Variants in FOXN3 observed in about 807,000 individuals in gnomAD.
FOXN3 encodes forkhead box N3, also known as forkhead box protein N3.
FOXN3 carries 7 observed loss-of-function variants against 38.4 expected under a neutral mutation model. The observed-to-expected ratio is 0.18, with a 90% confidence interval of 0.10 to 0.34. FOXN3 has a LOEUF of 0.34. FOXN3 is among the 10% of genes least tolerant of loss of function. FOXN3 has a pLI of 1.00. For missense variants in FOXN3, 456 were observed against 613.4 expected (o/e 0.74, Z 2.71); for synonymous variants, 230 against 242.2 (o/e 0.95, Z 0.47).
intron 5 of FOXN3, among the ~76,000 whole-genome samples, chr14:89,176,002 G>A (rs1022289211): frequency 1.3e-5 from 2 of 152,092 alleles, no homozygotes; most frequent in Non-Finnish European, 1.5e-5. Flanking sequence ...ATCTCTGCAA[G>A]GGATTTTCCT....
intron 2 of FOXN3, among the ~76,000 whole-genome samples, chr14:89,371,420 C>T (rs904488804): frequency 3.9e-5 from 6 of 152,034 alleles, no homozygotes; most frequent in African/African-American, 1.5e-4. Context: ...AACCAACCAA[C>T]AATCCAAGAA....
intron 4 of FOXN3, among the ~76,000 whole-genome samples, chr14:89,229,840 C>T (rs769068058): frequency 1.2e-4 from 19 of 152,292 alleles, no homozygotes; most frequent in Non-Finnish European, 1.9e-4. Context: ...CCGACCAAAC[C>T]GAAGGATGTC....
chr14:89,611,115 C>A (rs937808258), intron 1 of FOXN3, among the ~76,000 whole-genome samples: 2 of 152,208 alleles, frequency 1.3e-5, no homozygotes, highest in African/African-American at 4.8e-5. Flanking sequence ...TACACTCTTG[C>A]AAGAGCAGAG....
At chr14:89,230,780 T>C (rs1884783106) in intron 4 of FOXN3, 3 of 427,340 alleles carry the variant, frequency 7.0e-6, no homozygotes, top group Non-Finnish European at 1.4e-5. Context: ...CATTCTTGGA[T>C]AGTAGAGGTC....
At chr14:89,590,008 G>C (rs754733906) in intron 1 of FOXN3, among the ~76,000 whole-genome samples, 1 of 152,130 alleles carries the variant, frequency 6.6e-6, no homozygotes, top group South Asian at 2.1e-4. Context: ...GACTGATGCC[G>C]GGCAGGCCCC....
chr14:89,557,156 A>G (rs1301684119), intron 1 of FOXN3, among the ~76,000 whole-genome samples: 1 of 152,232 alleles, frequency 6.6e-6, no homozygotes, highest in African/African-American at 2.4e-5. Context: ...TGGCCAGAAC[A>G]TATGATGAGC....
At chr14:89,585,021 C>T (rs943837599) in intron 1 of FOXN3, among the ~76,000 whole-genome samples, 3 of 152,184 alleles carry the variant, frequency 2.0e-5, no homozygotes, top group African/African-American at 7.2e-5. Flanking sequence ...CGGCAAGTGT[C>T]TCTTTTCAAA....
rs116827240 is a variant in FOXN3 at position 89,349,321 on chromosome 14, T to C, written c.680+1351A>G. Among the ~76,000 whole-genome samples, 1,143 of 152,332 alleles carry C rather than the reference T, an allele frequency of 7.5e-3. 14 individuals are homozygous for C. Among genetic ancestry groups the C allele is most frequent in the African/African-American group, 0.026 (1,093 of 41,576 alleles). ...TCCCACTTTCTCTCCTACAGCTATATGACCTCAAGTTGTCATTTCGAATAA... is the reference window on the plus strand; with the variant it reads ...TCCCACTTTCTCTCCTACAGCTATACGACCTCAAGTTGTCATTTCGAATAA... On this transcript the variant is annotated intron_variant, in intron 3 of 5. Transcript: ENST00000557258.
At chr14:89,399,869 A>C (rs993142521) in intron 2 of FOXN3, 1 of 152,212 alleles carries the variant, frequency 6.6e-6, no homozygotes, top group African/African-American at 2.4e-5. Flanking sequence ...CTCCGTTGCT[A>C]AGGCAACTGC....
chr14:89,512,578 AATG>A (rs1894114568), intron 1 of FOXN3, among the ~76,000 whole-genome samples: 1 of 152,246 alleles, frequency 6.6e-6, no homozygotes, highest in Non-Finnish European at 1.5e-5. Flanking sequence ...CCCTAACTCC[AATG>A]ATAAGAATGT....
chr14:89,291,352 G>A (rs888233211), intron 3 of FOXN3: 1 of 574,266 alleles, frequency 1.7e-6, no homozygotes, highest in African/African-American at 1.9e-5. Context: ...CAGAAGGAAA[G>A]CCCTGTAACA....
intron 3 of FOXN3, among the ~76,000 whole-genome samples, chr14:89,325,876 C>T (rs1405792582): frequency 1.3e-5 from 2 of 152,174 alleles, no homozygotes; most frequent in African/African-American, 4.8e-5. Flanking sequence ...CAAGCCTAGC[C>T]CCTGTCCTGT....
chr14:89,417,856 C>T (rs999525863), upstream of FOXN3: 5 of 429,870 alleles, frequency 1.2e-5, no homozygotes, highest in African/African-American at 2.0e-5. Flanking sequence ...GGCCGGTGGC[C>T]ATTACAAGAC....
intron 1 of FOXN3, among the ~76,000 whole-genome samples, chr14:89,614,457 C>T (rs141454232): frequency 6.6e-6 from 1 of 152,218 alleles, no homozygotes; most frequent in East Asian, 1.9e-4. Context: ...TCTGTATGTA[C>T]GTAGGCTTCC....
At chr14:89,495,003 A>C (rs544128124) in intron 1 of FOXN3, among the ~76,000 whole-genome samples, 21 of 152,306 alleles carry the variant, frequency 1.4e-4, no homozygotes, top group African/African-American at 5.1e-4. Flanking sequence ...CATTCACTGC[A>C]CCTAAAAGCC....
At chr14:89,175,911 A>C (rs1038419164) in intron 5 of FOXN3, among the ~76,000 whole-genome samples, 2 of 152,190 alleles carry the variant, frequency 1.3e-5, no homozygotes, top group African/African-American at 2.4e-5. Context: ...CTGTGAATGT[A>C]AGAAACCTGG....
intron 1 of FOXN3, among the ~76,000 whole-genome samples, chr14:89,575,437 C>T (rs1186242028): frequency 1.3e-5 from 2 of 152,056 alleles, no homozygotes; most frequent in South Asian, 2.1e-4. Flanking sequence ...TAAACTCAAG[C>T]GACGGGGGCT....
chr14:89,590,895 G>A (rs763415721), intron 1 of FOXN3, among the ~76,000 whole-genome samples: 11 of 152,160 alleles, frequency 7.2e-5, no homozygotes, highest in Non-Finnish European at 1.5e-4. Context: ...GTGAAAGAAT[G>A]CCACTCAGAG....
chr14:89,347,055 T>G (rs1185539025), intron 3 of FOXN3, among the ~76,000 whole-genome samples: 1 of 150,800 alleles, frequency 6.6e-6, no homozygotes, highest in Non-Finnish European at 1.5e-5. Flanking sequence ...TTTCTGCTTC[T>G]CCATATATTC....
Sources: gnomAD v4.1 joint callset for allele counts (sites outside exome capture counted in the v4.1 genomes callset) on GRCh38, gnomAD v4.1.1 for gene constraint, MANE v1.5 for transcripts, NCBI Gene and HGNC (gene_info 2026-07-23, HGNC 2026-07-21) for gene names.